CAMKMT: variants seen among roughly 807,000 people sequenced by gnomAD.
The protein encoded by CAMKMT is calmodulin-lysine N-methyltransferase.
Under a neutral mutation model 48.0 loss-of-function variants are expected in CAMKMT, and 53 were observed. That is an observed-to-expected ratio of 1.10 (90% CI 0.89 to 1.39). The LOEUF is 1.39. Ranked by LOEUF, CAMKMT falls within the 40% of genes most tolerant of loss-of-function variation. The pLI, the probability that CAMKMT is intolerant of heterozygous loss-of-function variation, is 0.00. For synonymous variants in CAMKMT, 165 were observed against 152.3 expected (o/e 1.08, Z -0.61); for missense variants, 428 against 402.7 (o/e 1.06, Z -0.54).
intron 3 of CAMKMT, among the ~76,000 whole-genome samples, chr2:44,627,408 T>G (rs1233826489): frequency 6.6e-6 from 1 of 152,174 alleles, no homozygotes; most frequent in African/African-American, 2.4e-5. Context: ...TAAAATACAC[T>G]GGCAAATGTT....
At chr2:44,414,838 C>G (rs963786855) in intron 3 of CAMKMT, among the ~76,000 whole-genome samples, 5 of 152,188 alleles carry the variant, frequency 3.3e-5, no homozygotes, top group African/African-American at 1.2e-4. Context: ...TAGATTAGTA[C>G]AGCTAGAGGA....
intron 3 of CAMKMT, among the ~76,000 whole-genome samples, chr2:44,542,118 A>C (rs973559303): frequency 1.3e-5 from 2 of 150,830 alleles, no homozygotes; most frequent in Non-Finnish European, 3.0e-5. Context: ...AACAAGAGTG[A>C]AACTCTGTCT....
At chr2:44,407,379 AG>A (rs1216338750) in intron 3 of CAMKMT, among the ~76,000 whole-genome samples, 1 of 152,114 alleles carries the variant, frequency 6.6e-6, no homozygotes, top group Non-Finnish European at 1.5e-5. Context: ...CATGAGTCTC[AG>A]GGGTTAGACG....
chr2:44,372,908 A>T lies in CAMKMT; in HGVS notation c.311+20A>T, dbSNP rs1301165982. The T allele has an allele frequency of 1.9e-6, 3 of 1,584,104 alleles. No individual in the cohort carries two copies. The highest frequency in any genetic ancestry group is 2.6e-6 in the Non-Finnish European group (3 of 1,166,274). ...CTTAAGGTAACCATTATTCTAGTTA[A>T]GATTTTGTAAACACTAGATTTCTCT... On this transcript the variant is annotated intron_variant, in intron 2 of 10. Coordinates refer to ENST00000378494, the MANE Select transcript of CAMKMT (RefSeq NM_024766.5).
chr2:44,447,456 A>G (rs1326415079), intron 3 of CAMKMT, among the ~76,000 whole-genome samples: 1 of 152,228 alleles, frequency 6.6e-6, no homozygotes, highest in Non-Finnish European at 1.5e-5. Context: ...TGAATGTATC[A>G]GTCATAGTGG....
chr2:44,496,135 A>G (rs572504378), intron 3 of CAMKMT, among the ~76,000 whole-genome samples: 1 of 152,332 alleles, frequency 6.6e-6, no homozygotes, highest in South Asian at 2.1e-4. Context: ...AGTCCTCAGT[A>G]CAATTTTACA....
chr2:44,757,239 G>A (rs1043799897), intron 9 of CAMKMT, among the ~76,000 whole-genome samples: 4 of 152,208 alleles, frequency 2.6e-5, no homozygotes, highest in African/African-American at 9.6e-5. Context: ...CAGGCCTAGT[G>A]TGGCCCTAAC....
chr2:44,427,516 AGAC>A (rs1456180305), intron 3 of CAMKMT, among the ~76,000 whole-genome samples: 16 of 152,236 alleles, frequency 1.1e-4, no homozygotes, highest in Admixed American at 1.3e-4. Context: ...TCTCAAAAGA[AGAC>A]ATCCAAGTGG....
At chr2:44,373,136 GT>G (rs1679346102) in intron 2 of CAMKMT, among the ~76,000 whole-genome samples, 1 of 152,102 alleles carries the variant, frequency 6.6e-6, no homozygotes, top group Admixed American at 6.5e-5. Flanking sequence ...AAATCAAAGG[GT>G]TCATTTAAAC....
At chr2:44,459,923 T>C (rs1177101165) in intron 3 of CAMKMT, among the ~76,000 whole-genome samples, 5 of 152,162 alleles carry the variant, frequency 3.3e-5, no homozygotes, top group South Asian at 2.1e-4. Flanking sequence ...ATCAATAAGC[T>C]TGGAGTGTGA....
intron 7 of CAMKMT, among the ~76,000 whole-genome samples, chr2:44,740,650 G>A (rs1026564089): frequency 1.3e-5 from 2 of 152,200 alleles, no homozygotes; most frequent in Non-Finnish European, 2.9e-5. Flanking sequence ...CAAAGCCAGT[G>A]AGGATGCTTG....
intron 3 of CAMKMT, among the ~76,000 whole-genome samples, chr2:44,659,082 T>C (rs1314772207): frequency 7.1e-6 from 1 of 140,234 alleles, no homozygotes; most frequent in South Asian, 2.1e-4. Context: ...GTAGTTTTTT[T>C]TTTTTTTTTT....
chr2:44,765,520 A>AT (rs56681305), intron 9 of CAMKMT, among the ~76,000 whole-genome samples: 24,856 of 140,832 alleles, frequency 0.18, 2,162 homozygotes, highest in South Asian at 0.34. Flanking sequence ...AGCCATCTTT[A>AT]TTTTTTTTTT....
At chr2:44,402,740 G>GTTTTTTTTTTTTTTTTTTTTTTCTT in intron 3 of CAMKMT, among the ~76,000 whole-genome samples, 7 of 94,100 alleles carry the variant, frequency 7.4e-5, no homozygotes, top group Admixed American at 1.1e-4. Flanking sequence ...TTGTTTTGCT[G>GTTTTTTTTTTTTTTTTTTTTTTCTT]TTTTTTTTTT....
Position 44,553,422 on chromosome 2 carries a change from G to A in CAMKMT, c.377-150861G>A, listed in dbSNP as rs936532640. On this transcript the variant is annotated intron_variant, in intron 3 of 10. Coordinates refer to ENST00000378494, the MANE Select transcript of CAMKMT (RefSeq NM_024766.5). ...GTCACCCAGGCTGGAGTGCAGTAGC[G>A]CAATCTTGGCTTACTGTAACCTCCA... Among the ~76,000 whole-genome samples, 9 of 150,498 alleles carry A rather than the reference G, an allele frequency of 6.0e-5. 1 individual carries two copies. Among genetic ancestry groups the A allele is most frequent in the East Asian group, 3.9e-4 (2 of 5,162 alleles).
intron 2 of CAMKMT, among the ~76,000 whole-genome samples, chr2:44,374,307 A>G (rs1157093463): frequency 6.6e-6 from 1 of 152,084 alleles, no homozygotes; most frequent in Non-Finnish European, 1.5e-5. Flanking sequence ...GTATATGCTT[A>G]CTCTGTGTCA....
intron 7 of CAMKMT, among the ~76,000 whole-genome samples, chr2:44,732,542 G>A (rs553335856): frequency 6.6e-6 from 1 of 152,162 alleles, no homozygotes; most frequent in African/African-American, 2.4e-5. Context: ...ACTTGTATGC[G>A]CCTTGCTCTT....
intron 3 of CAMKMT, among the ~76,000 whole-genome samples, chr2:44,459,666 C>A (rs1667750725): frequency 6.6e-6 from 1 of 152,110 alleles, no homozygotes; most frequent in African/African-American, 2.4e-5. Flanking sequence ...CCCCCATATC[C>A]CCCGCAATAG....
chr2:44,623,525 G>C (rs968083718), intron 3 of CAMKMT, among the ~76,000 whole-genome samples: 1 of 152,164 alleles, frequency 6.6e-6, no homozygotes, highest in African/African-American at 2.4e-5. Context: ...TAGGGGGCCA[G>C]TTTCATTCTT....
Sources: allele counts gnomAD v4.1 joint callset (sites outside exome capture counted in the v4.1 genomes callset), GRCh38; gene constraint gnomAD v4.1.1; transcripts MANE v1.5; gene names NCBI Gene and HGNC (gene_info 2026-07-23, HGNC 2026-07-21).